Variants in FHIT observed in about 807,000 individuals in gnomAD.
FHIT encodes fragile histidine triad diadenosine triphosphatase.
A neutral mutation model predicts 17.9 loss-of-function variants in FHIT; 19 were observed. The observed-to-expected ratio is 1.06, with a 90% CI of 0.74 to 1.56. The LOEUF (loss-of-function observed/expected upper bound fraction) is 1.56, where lower values mean the gene tolerates loss of function less well. FHIT is among the 40% of genes most tolerant of loss of function. The pLI is 0.00. For synonymous variants in FHIT, 81 were observed against 69.7 expected (o/e 1.16, Z -0.81); for missense variants, 248 against 189.2 (o/e 1.31, Z -1.82).
At position 59,936,661 on chromosome 3, in the gene FHIT, A is replaced by C. The variant is rs3772450; in HGVS notation, c.280-14247T>G. On this transcript the variant is annotated intron_variant, in intron 7 of 9. Coordinates refer to ENST00000492590, the MANE Select transcript of FHIT (RefSeq NM_002012.4). ...CCCTTTAAAACATTTCAAAATGCAAAAATTTGTGAAATATGATCAGTCCAA... is the reference window on the plus strand; with the variant it reads ...CCCTTTAAAACATTTCAAAATGCAACAATTTGTGAAATATGATCAGTCCAA... Among the ~76,000 whole-genome samples the C allele has an allele frequency of 1.0e-3, 156 of 152,216 alleles. No homozygotes were observed. In the East Asian group the frequency reaches 0.029, roughly 28 times the overall value.
At chr3:60,486,583 C>CTA (rs1461138852) in intron 5 of FHIT, among the ~76,000 whole-genome samples, 2 of 152,088 alleles carry the variant, frequency 1.3e-5, no homozygotes, top group Non-Finnish European at 2.9e-5. Context: ...AGCTAAAGAT[C>CTA]TATAGGTCAG....
intron 1 of FHIT, among the ~76,000 whole-genome samples, chr3:61,239,761 C>CTATATATATATATAGATATATA (rs1491311135): frequency 1.6e-5 from 1 of 63,166 alleles, no homozygotes. Flanking sequence ...AAACAACTGG[C>CTATATATATATATAGATATATA]CATATATATA....
chr3:60,769,858 G>C (rs1401453747), intron 4 of FHIT, among the ~76,000 whole-genome samples: 1 of 152,212 alleles, frequency 6.6e-6, no homozygotes, highest in Non-Finnish European at 1.5e-5. Flanking sequence ...AAATATAGAA[G>C]TATGGCCTTT....
chr3:60,473,688 G>T (rs185283517), intron 5 of FHIT, among the ~76,000 whole-genome samples: 183 of 152,308 alleles, frequency 1.2e-3, no homozygotes, highest in African/African-American at 4.1e-3. Context: ...GGAGGCAAAG[G>T]TTGGTAGATT....
At chr3:60,077,637 T>C (rs138942380) in intron 5 of FHIT, 2,331 of 138,452 alleles carry the variant, frequency 0.017, 28 homozygotes, top group Middle Eastern at 0.03. Flanking sequence ...AAATAAAAAC[T>C]GATAATATCC....
At chr3:59,803,400 C>G (rs1167034778) in intron 8 of FHIT, among the ~76,000 whole-genome samples, 1 of 152,192 alleles carries the variant, frequency 6.6e-6, no homozygotes, top group African/African-American at 2.4e-5. Context: ...TGCTCTTCAC[C>G]TGGGTGAGCG....
At chr3:60,690,464 C>T (rs1028057846) in intron 4 of FHIT, 64 of 573,550 alleles carry the variant, frequency 1.1e-4, no homozygotes, top group Middle Eastern at 3.0e-4. Context: ...ATGAAGTTCT[C>T]GTCATCAAAT....
At chr3:60,370,516 A>G (rs1332728174) in intron 5 of FHIT, among the ~76,000 whole-genome samples, 3 of 152,120 alleles carry the variant, frequency 2.0e-5, no homozygotes, top group Admixed American at 6.5e-5. Context: ...TGAATTCAAA[A>G]ACCCCACAAC....
At chr3:60,991,307 C>G (rs1409048809) in intron 3 of FHIT, among the ~76,000 whole-genome samples, 3 of 152,164 alleles carry the variant, frequency 2.0e-5, no homozygotes, top group Non-Finnish European at 4.4e-5. Flanking sequence ...GAGGAGGGCC[C>G]AGTGGATGCG....
At chr3:60,607,285 C>T (rs1414141952) in intron 4 of FHIT, among the ~76,000 whole-genome samples, 2 of 151,796 alleles carry the variant, frequency 1.3e-5, no homozygotes, top group Non-Finnish European at 2.9e-5. Context: ...TTTGAATTGC[C>T]GATGAGCAGA....
At chr3:60,857,319 T>G (rs190623942) in intron 3 of FHIT, among the ~76,000 whole-genome samples, 3 of 152,278 alleles carry the variant, frequency 2.0e-5, no homozygotes, top group Admixed American at 2.0e-4. Context: ...GGAAAATCAG[T>G]GTCCTCCCTA....
intron 5 of FHIT, among the ~76,000 whole-genome samples, chr3:60,201,537 C>T (rs978679343): frequency 5.9e-5 from 9 of 151,940 alleles, no homozygotes; most frequent in African/African-American, 2.2e-4. Flanking sequence ...AACCACCCTA[C>T]CCCCCAAAAA....
intron 7 of FHIT, among the ~76,000 whole-genome samples, chr3:59,925,793 C>T (rs1375434168): frequency 3.9e-5 from 6 of 152,178 alleles, no homozygotes; most frequent in African/African-American, 1.4e-4. Context: ...GCTGATCACA[C>T]GATGCTGACA....
intron 4 of FHIT, among the ~76,000 whole-genome samples, chr3:60,725,522 T>G (rs1475408155): frequency 6.6e-6 from 1 of 152,200 alleles, no homozygotes; most frequent in African/African-American, 2.4e-5. Flanking sequence ...CAGTTGTCTA[T>G]GGCATCTTTT....
At chr3:60,543,906 G>GCTTTTTTTTTT (rs2036270156) in intron 4 of FHIT, among the ~76,000 whole-genome samples, 1 of 10,924 alleles carries the variant, frequency 9.2e-5, no homozygotes, top group Non-Finnish European at 1.5e-4. Context: ...ACCACGCCCG[G>GCTTTTTTTTTT]CTTTTTTTTT....
At chr3:60,332,605 G>A (rs1403181295) in intron 5 of FHIT, among the ~76,000 whole-genome samples, 1 of 152,038 alleles carries the variant, frequency 6.6e-6, no homozygotes, top group Non-Finnish European at 1.5e-5. Context: ...GGAACCTGTG[G>A]GAACCTCCAA....
At chr3:59,876,237 T>C (rs892130581) in intron 8 of FHIT, among the ~76,000 whole-genome samples, 1 of 152,122 alleles carries the variant, frequency 6.6e-6, no homozygotes, top group Admixed American at 6.5e-5. Context: ...TATAAATATA[T>C]ATTCATTAAT....
intron 2 of FHIT, among the ~76,000 whole-genome samples, chr3:61,146,910 G>A (rs2037240998): frequency 6.6e-6 from 1 of 152,050 alleles, no homozygotes; most frequent in Non-Finnish European, 1.5e-5. Context: ...CTGCTAATGA[G>A]CATCATTAAT....
At chr3:60,113,067 C>A (rs1459759002) in intron 5 of FHIT, among the ~76,000 whole-genome samples, 1 of 152,206 alleles carries the variant, frequency 6.6e-6, no homozygotes, top group Admixed American at 6.5e-5. Context: ...CATCCAATCT[C>A]AAGTAGCCTC....
Sources: gnomAD v4.1 joint callset for allele counts (sites outside exome capture counted in the v4.1 genomes callset) on GRCh38, gnomAD v4.1.1 for gene constraint, MANE v1.5 for transcripts, NCBI Gene and HGNC (gene_info 2026-07-23, HGNC 2026-07-21) for gene names.